The following COL17A1 variants were observed in gnomAD, a reference collection of about 807,000 sequenced individuals.
COL17A1 encodes collagen alpha-1(XVII) chain.
In COL17A1, 181 loss-of-function variants were observed where a neutral mutation model predicts 218.4. That is an observed-to-expected ratio of 0.83 (90% CI 0.73 to 0.94). COL17A1 has a LOEUF of 0.94. Among genes scored for constraint, COL17A1 ranks in the 40% least tolerant of loss-of-function variants. The pLI is 0.00. For missense variants in COL17A1, 1,924 were observed against 1,945.9 expected, an observed-to-expected ratio of 0.99 and a Z score of 0.21; for synonymous variants, 721 against 731.0, an observed-to-expected ratio of 0.99 and a Z score of 0.22.
At position 104,062,365 on chromosome 10, in the gene COL17A1, G is replaced by A. The variant is rs41290938; in HGVS notation, c.839-36C>T. On this transcript the variant is annotated intron_variant, in intron 11 of 55. Coordinates refer to ENST00000648076, the MANE Select transcript of COL17A1 (RefSeq NM_000494.4). ...AACCAAGGTCAGGTGAGTACAGGGA[G>A]CACGGGGGATGCCCCCTGGCTTAGG... 1.2e-3 allele frequency: 2,002 copies of A among 1,614,180 alleles called. 8 individuals are homozygous for A. Among genetic ancestry groups the A allele is most frequent in the Middle Eastern group, 0.012 (75 of 6,062 alleles).
chr10:104,036,127 T>A (rs201363529), intron 48 of COL17A1, among the ~76,000 whole-genome samples: 26 of 516 alleles, frequency 0.05, 7 homozygotes, highest in Non-Finnish European at 0.16. Flanking sequence ...TGGGAGTGTG[T>A]GTATATGTGT....
rs1402794772 is a variant in COL17A1 at position 104,032,265 on chromosome 10, T to C, written c.4464A>G (p.Arg1488=). ...GCTTGACAGCAATACTTCTTCTCCT[T>C]CTCCGCCCAGCATAGACTTGGTCAC... ...DKGDQVYAGR[R]RRRSIAVKP is the part of the protein sequence containing the mutation. Residue 1488 remains arginine (R), a synonymous_variant, in exon 56 of 56, where the codon AGA becomes AGG. Coordinates refer to ENST00000648076, the MANE Select transcript of COL17A1 (RefSeq NM_000494.4). The C allele has an allele frequency of 4.3e-6, 7 of 1,613,904 alleles. No individual in the cohort carries two copies. Among genetic ancestry groups the C allele is most frequent in the Non-Finnish European group, 5.1e-6 (6 of 1,179,900 alleles).
At chr10:104,076,051 T>G (rs187410987) in intron 5 of COL17A1, among the ~76,000 whole-genome samples, 99 of 152,356 alleles carry the variant, frequency 6.5e-4, no homozygotes, top group Admixed American at 9.8e-4. Context: ...CTACACAGTG[T>G]TAAACGCATA....
chr10:104,059,190 C>T, intron 15 of COL17A1: 1 of 233,220 alleles, frequency 4.3e-6, no homozygotes, highest in Non-Finnish European at 8.6e-6. Flanking sequence ...TAACATTTTC[C>T]TTCCTTTACT....
At chr10:104,036,077 A>AGTGAGTATGGGAGTGTGAGTATGGGTGT (rs2086288713) in intron 48 of COL17A1, among the ~76,000 whole-genome samples, 1 of 44,754 alleles carries the variant, frequency 2.2e-5, no homozygotes, top group Non-Finnish European at 4.2e-5. Context: ...TGTGTATGGG[A>AGTGAGTATGGGAGTGTGAGTATGGGTGT]GTGTGTATGG....
chr10:104,035,132 C>G, intron 50 of COL17A1, 131 bp downstream of exon 50: 1 of 826,840 alleles, frequency 1.2e-6, no homozygotes, highest in Non-Finnish European at 2.0e-6. Flanking sequence ...ACATGTGGCG[C>G]TCTCCAGGGC....
intron 48 of COL17A1, among the ~76,000 whole-genome samples, chr10:104,036,130 A>ATGGGAGTG (rs1564671408): frequency 0.35 from 85 of 244 alleles, 34 homozygotes; most frequent in East Asian, 0.5. Flanking sequence ...GAGTGTGTGT[A>ATGGGAGTG]TATGTGTGTG....
At chr10:104,062,540 C>T (rs2086592202) in intron 11 of COL17A1, among the ~76,000 whole-genome samples, 1 of 152,214 alleles carries the variant, frequency 6.6e-6, no homozygotes. Flanking sequence ...AACAGTTCTA[C>T]TTATTACGTA....
At chr10:104,044,003 A>G in intron 33 of COL17A1, 143 bp from the exon 34 acceptor site, 2 of 885,304 alleles carry the variant, frequency 2.3e-6, no homozygotes, top group South Asian at 1.4e-5. Flanking sequence ...AATGAACTGA[A>G]GGAAGGCAAG....
chr10:104,049,019 C>T (rs1194398721), intron 29 of COL17A1, among the ~76,000 whole-genome samples: 1 of 152,062 alleles, frequency 6.6e-6, no homozygotes, highest in Non-Finnish European at 1.5e-5. Flanking sequence ...GTTTCTGCAG[C>T]CAGGCTGACA....
intron 4 of COL17A1, 33 bp from the exon 5 acceptor site, chr10:104,076,462 C>T (rs753275505): frequency 3.1e-6 from 5 of 1,613,326 alleles, no homozygotes; most frequent in Non-Finnish European, 4.2e-6. Context: ...GTTCTCAGTG[C>T]TTCAGCAGAG....
At chr10:104,035,035 T>C (rs981583310) in intron 50 of COL17A1, among the ~76,000 whole-genome samples, 24 of 152,092 alleles carry the variant, frequency 1.6e-4, no homozygotes, top group Non-Finnish European at 3.5e-4. Context: ...GAGCCCCAGG[T>C]CGGCCCTAAT....
Position 104,067,334 on chromosome 10 carries a change from T to TAAAA in COL17A1, c.608-2742_608-2739dup, listed in dbSNP as rs58260510. Among the ~76,000 whole-genome samples, 1,074 of 110,398 alleles carry TAAAA rather than the reference T, an allele frequency of 9.7e-3. 49 individuals carry two copies. The highest frequency in any genetic ancestry group is 0.023 in the African/African-American group (628 of 27,164). 72.4% of individuals were successfully genotyped at this position (110,398 alleles called of 152,430 possible). ...CTGCATTTCTGCAGAGGCTCAGGAA[T>TAAAA]AAAAAAAAAAAAAAAAAAAAAAAAT... On this transcript the variant is annotated intron_variant, in intron 9 of 55. Coordinates refer to ENST00000648076, the MANE Select transcript of COL17A1 (RefSeq NM_000494.4).
Position 104,033,272 on chromosome 10 carries a change from G to C in COL17A1, c.4260C>G (p.Ser1420Arg). ...PGISKVFSAY[S>R]NVTADLMDFF... Reference sequence around the variant, plus strand: ...AGTCCATGAGGTCCGCAGTCACGTTGCTGTAGGCAGAGAAGACCTTGCTGA... The same window carrying C: ...AGTCCATGAGGTCCGCAGTCACGTTCCTGTAGGCAGAGAAGACCTTGCTGA... Residue 1420 changes from serine (S) to arginine (R), a missense_variant, in exon 53 of 56, where the codon AGC becomes AGG. Physicochemically the swap from Ser to Arg is moderately radical, Grantham distance 110 (BLOSUM62 -1). Transcript: ENST00000648076. 1 of 1,594,400 alleles carries C rather than the reference G, an allele frequency of 6.3e-7. No individual in the cohort carries two copies. The highest frequency in any genetic ancestry group is 8.5e-7 in the Non-Finnish European group (1 of 1,170,526).
At chr10:104,041,233 G>T (rs1236670401) in intron 38 of COL17A1, 70 bp downstream of exon 38, 1 of 1,604,362 alleles carries the variant, frequency 6.2e-7, no homozygotes, top group Non-Finnish European at 8.5e-7. Flanking sequence ...AGGGCCCTGG[G>T]CTCAGGGTCC....
At chr10:104,076,029 C>T (rs767776222) in intron 5 of COL17A1, among the ~76,000 whole-genome samples, 4 of 152,226 alleles carry the variant, frequency 2.6e-5, no homozygotes, top group Admixed American at 6.5e-5. Context: ...TTTAAGCATT[C>T]GTCAAGGCAT....
chr10:104,058,959 A>G (rs1011694328), intron 15 of COL17A1, among the ~76,000 whole-genome samples: 8 of 152,012 alleles, frequency 5.3e-5, no homozygotes, highest in African/African-American at 1.9e-4. Flanking sequence ...AAAAAAGAAA[A>G]AGAAAGTTGA....
rs1589560705 is a variant in COL17A1, at chr10:104,042,468, T to C, written c.2516-13A>G. ...GGGCCGGCAGGGCCTGGAAACGGGG[T>C]TGAGGAAGAAAAGGCTAAATCATGC... On this transcript the variant is annotated splice_polypyrimidine_tract_variant and intron_variant, in intron 35 of 55. Transcript: ENST00000648076. The C allele has an allele frequency of 6.2e-7, 1 of 1,613,480 alleles. No individual in the cohort carries two copies. The highest frequency in any genetic ancestry group is 1.7e-5 in the Admixed American group (1 of 59,960).
rs756410487 is a variant in COL17A1 at position 104,039,107 on chromosome 10, G to A, written c.2911C>T (p.Pro971Ser). ...PKGDKGDPGV[P>S]GALGIPSGPS... ...CCACTAGGAATGCCAAGAGCCCCTG[G>A]AACACCTGGATCACCTGGAATCCAA... The change falls in exon 44 of 56, where the codon CCA becomes TCA. Residue 971 changes from proline to serine, a missense_variant. Physicochemically the swap from Pro to Ser is moderately conservative, Grantham distance 74. Transcript: ENST00000648076. 1 of 1,614,084 alleles carries A rather than the reference G, an allele frequency of 6.2e-7. No homozygotes were observed. Among genetic ancestry groups the A allele is most frequent in the Non-Finnish European group, 8.5e-7 (1 of 1,179,976 alleles).
Sources: allele counts gnomAD v4.1 joint callset (sites outside exome capture counted in the v4.1 genomes callset), GRCh38; gene constraint gnomAD v4.1.1; transcripts MANE v1.5; gene names NCBI Gene and HGNC (gene_info 2026-07-23, HGNC 2026-07-21).